TRAPPC9: variants seen among roughly 807,000 people sequenced by gnomAD.
TRAPPC9 encodes the protein trafficking protein particle complex subunit 9.
In TRAPPC9, 83 loss-of-function variants were observed where a neutral mutation model predicts 124.0. The observed-to-expected ratio is 0.67, with a 90% CI of 0.56 to 0.80. TRAPPC9 has a LOEUF of 0.80. Ranked by LOEUF, TRAPPC9 falls within the 30% of genes least tolerant of loss-of-function variation. The probability of loss-of-function intolerance (pLI) is 0.00; values close to 1 mark genes in which losing one functional copy is unlikely to be tolerated. For synonymous variants in TRAPPC9, 638 were observed against 617.5 expected (o/e 1.03, Z -0.49); for missense variants, 1,302 against 1,508.3 (o/e 0.86, Z 2.27).
chr8:140,311,133 C>A, intron 10 of TRAPPC9, 115 bp downstream of exon 10: 2 of 1,304,420 alleles, frequency 1.5e-6, no homozygotes, highest in South Asian at 1.2e-5. Context: ...GATAATGAAC[C>A]CGATACACAG....
At chr8:140,164,658 C>T (rs2061802955) in intron 17 of TRAPPC9, among the ~76,000 whole-genome samples, 1 of 152,226 alleles carries the variant, frequency 6.6e-6, no homozygotes, top group Non-Finnish European at 1.5e-5. Context: ...GACAGCTAGG[C>T]ATGGTCTCCT....
chr8:139,835,104 G>A (rs1336432028), intron 21 of TRAPPC9, among the ~76,000 whole-genome samples: 1 of 152,186 alleles, frequency 6.6e-6, no homozygotes, highest in Non-Finnish European at 1.5e-5. Context: ...GGTTTTCGCT[G>A]TTAATGAATG....
intron 19 of TRAPPC9, among the ~76,000 whole-genome samples, chr8:139,979,810 C>A (rs2131657725): frequency 6.6e-6 from 1 of 152,238 alleles, no homozygotes. Flanking sequence ...CAGGGGGACC[C>A]AGGACAGAGC....
chr8:140,037,576 C>T (rs1471509746), intron 17 of TRAPPC9, among the ~76,000 whole-genome samples: 3 of 151,696 alleles, frequency 2.0e-5, no homozygotes, highest in African/African-American at 7.3e-5. Context: ...ACACATACCA[C>T]ACACACACAT....
At chr8:140,050,135 T>G (rs1242325459) in intron 17 of TRAPPC9, among the ~76,000 whole-genome samples, 1 of 152,270 alleles carries the variant, frequency 6.6e-6, no homozygotes, top group South Asian at 2.1e-4. Flanking sequence ...AGGTCAGCCA[T>G]GAGCTAGCGA....
At chr8:139,822,937 G>A (rs968922634) in intron 21 of TRAPPC9, among the ~76,000 whole-genome samples, 1 of 152,238 alleles carries the variant, frequency 6.6e-6, no homozygotes, top group African/African-American at 2.4e-5. Context: ...GATGTCTGCT[G>A]AGGGCCCTCC....
At chr8:140,327,811 G>A (rs552345291) in intron 9 of TRAPPC9, among the ~76,000 whole-genome samples, 34 of 152,294 alleles carry the variant, frequency 2.2e-4, no homozygotes, top group African/African-American at 5.3e-4. Context: ...TTGGAGTGAC[G>A]AAAAAGTTCT....
chr8:140,105,447 T>C (rs1301346111), intron 17 of TRAPPC9, among the ~76,000 whole-genome samples: 1 of 152,212 alleles, frequency 6.6e-6, no homozygotes, highest in African/African-American at 2.4e-5. Context: ...CTGGAACTAC[T>C]GGGCCTCCTT....
At chr8:140,005,400 G>A (rs767599835) in intron 18 of TRAPPC9, among the ~76,000 whole-genome samples, 7 of 152,290 alleles carry the variant, frequency 4.6e-5, no homozygotes, top group East Asian at 3.9e-4. Context: ...GCACAGCAGC[G>A]TGGGCACCAG....
chr8:139,875,972 C>T (rs1436541762), intron 21 of TRAPPC9, among the ~76,000 whole-genome samples: 1 of 152,266 alleles, frequency 6.6e-6, no homozygotes, highest in African/African-American at 2.4e-5. Context: ...GGGGCACCCA[C>T]TGCCACCATC....
At chr8:140,268,362 G>A (rs765495438) in intron 15 of TRAPPC9, among the ~76,000 whole-genome samples, 3 of 152,168 alleles carry the variant, frequency 2.0e-5, no homozygotes, top group Non-Finnish European at 4.4e-5. Flanking sequence ...TTTTGGTGCT[G>A]TAGGACTAAA....
At chr8:140,305,208 A>C (rs1300721396) in intron 10 of TRAPPC9, among the ~76,000 whole-genome samples, 1 of 152,196 alleles carries the variant, frequency 6.6e-6, no homozygotes, top group African/African-American at 2.4e-5. Context: ...GCCATTACGT[A>C]GGACATTATG....
chr8:140,116,788 C>T (rs1027070663), intron 17 of TRAPPC9, among the ~76,000 whole-genome samples: 2 of 152,056 alleles, frequency 1.3e-5, no homozygotes, highest in Admixed American at 6.5e-5. Flanking sequence ...TAGAGGTTCC[C>T]TACAGGTGGG....
At chr8:140,013,018 G>A (rs550097217) in intron 18 of TRAPPC9, among the ~76,000 whole-genome samples, 2 of 152,300 alleles carry the variant, frequency 1.3e-5, no homozygotes, top group East Asian at 1.9e-4. Flanking sequence ...ACACTGAGAC[G>A]ACAGCGCCTC....
chr8:139,887,734 C>T (rs1230547294), intron 20 of TRAPPC9, among the ~76,000 whole-genome samples: 1 of 152,232 alleles, frequency 6.6e-6, no homozygotes, highest in Non-Finnish European at 1.5e-5. Context: ...ACAACCTGTG[C>T]TAGACACGGT....
intron 19 of TRAPPC9, among the ~76,000 whole-genome samples, chr8:139,981,685 A>G (rs1390216896): frequency 2.6e-5 from 4 of 152,378 alleles, no homozygotes; most frequent in East Asian, 3.9e-4. Context: ...AGGAAAGTGC[A>G]GCACCCACAT....
At chr8:140,278,916 T>C (rs2065216391) in intron 14 of TRAPPC9, among the ~76,000 whole-genome samples, 1 of 152,256 alleles carries the variant, frequency 6.6e-6, no homozygotes, top group Admixed American at 6.5e-5. Context: ...CTTCGCAAAG[T>C]GACCTGCCTT....
At chr8:140,277,074 C>T (rs1027937379) in intron 14 of TRAPPC9, among the ~76,000 whole-genome samples, 1 of 152,170 alleles carries the variant, frequency 6.6e-6, no homozygotes, top group Non-Finnish European at 1.5e-5. Context: ...GGATCGGAGT[C>T]GGATCTGCTT....
At chr8:140,156,745 C>T (rs1026586778) in intron 17 of TRAPPC9, among the ~76,000 whole-genome samples, 1 of 152,176 alleles carries the variant, frequency 6.6e-6, no homozygotes, top group Non-Finnish European at 1.5e-5. Context: ...AGAGTACCGC[C>T]ACTGATACAA....
Sources: allele counts gnomAD v4.1 joint callset (sites outside exome capture counted in the v4.1 genomes callset), GRCh38; gene constraint gnomAD v4.1.1; transcripts MANE v1.5; gene names NCBI Gene and HGNC (gene_info 2026-07-23, HGNC 2026-07-21).